The following SLC25A30 variants were observed in gnomAD, a reference collection of about 807,000 sequenced individuals.
SLC25A30 encodes the protein solute carrier family 25 member 30, also known as kidney mitochondrial carrier protein 1.
A neutral mutation model predicts 42.7 loss-of-function variants in SLC25A30; 29 were observed. The observed-to-expected ratio is 0.68, with a 90% confidence interval of 0.51 to 0.93. SLC25A30 has a LOEUF of 0.93. SLC25A30 is among the 40% of genes least tolerant of loss of function. The pLI is 0.00. For missense variants in SLC25A30, 300 were observed against 359.7 expected (o/e 0.83, Z 1.34); for synonymous variants, 124 against 131.0 (o/e 0.95, Z 0.37).
chr13:45,411,491 C>G lies in SLC25A30; in HGVS notation c.-55-11G>C. ...CCAGTGCTGTTTTTCCTGGACACAA[C>G]AATAAGATATTATCAAGCTGTAACT... On this transcript the variant is annotated splice_polypyrimidine_tract_variant and intron_variant, in intron 1 of 9. Coordinates refer to ENST00000519676, the MANE Select transcript of SLC25A30 (RefSeq NM_001010875.4). 6.7e-7 allele frequency: 1 copy of G among 1,492,468 alleles called. No homozygotes were observed. The highest frequency in any genetic ancestry group is 9.3e-7 in the Non-Finnish European group (1 of 1,073,462). The allele number at this position is 1,492,468 out of a possible 1,614,324, so 92.5% of individuals were successfully genotyped here. A position where few individuals can be genotyped will look rare whatever the true frequency, so the allele number is the denominator to read the frequency against.
the SLC25A30 span, among the ~76,000 whole-genome samples, chr13:45,433,227 T>C: frequency 6.6e-6 from 1 of 151,888 alleles, no homozygotes; most frequent in African/African-American, 2.4e-5. Context: ...CTCCAAGAGA[T>C]GAAATAAATG....
Position 45,395,066 on chromosome 13 carries a change from G to A in SLC25A30, c.*908C>T. 1.0e-6 allele frequency: 1 copy of A among 985,392 alleles called. No homozygotes were observed. Among genetic ancestry groups the A allele is most frequent in the Non-Finnish European group, 1.2e-6 (1 of 829,938 alleles). The allele number at this position is 985,392 out of a possible 1,614,324, so 61.0% of individuals were successfully genotyped here. The stretch of plus-strand genomic sequence containing the variant: ...GCCCCTCTTCTACATAGACTGTTTA[G>A]AGCTGTTCCACAGCATGATGTAAAC... On this transcript the variant is annotated 3_prime_UTR_variant, in exon 10 of 10. Coordinates refer to ENST00000519676, the MANE Select transcript of SLC25A30 (RefSeq NM_001010875.4).
intron 9 of SLC25A30, chr13:45,396,232 C>T (rs1320014822): frequency 7.1e-7 from 1 of 1,417,436 alleles, no homozygotes; most frequent in Non-Finnish European, 9.2e-7. Context: ...ATGTAAATCC[C>T]CTGGTATCAG....
At chr13:45,408,734 C>T (rs1337205692) in intron 3 of SLC25A30, among the ~76,000 whole-genome samples, 193 bp downstream of exon 3, 3 of 152,138 alleles carry the variant, frequency 2.0e-5, no homozygotes, top group Non-Finnish European at 4.4e-5. Flanking sequence ...AACAGTTTCA[C>T]CAAAACATCT....
intron 9 of SLC25A30, chr13:45,396,250 T>A (rs1881308880): frequency 7.2e-7 from 1 of 1,397,754 alleles, no homozygotes; most frequent in South Asian, 1.6e-5. Flanking sequence ...CAGCCTCTTC[T>A]GAGATGGCAT....
intron 8 of SLC25A30, chr13:45,398,505 C>T (rs140070390): frequency 6.7e-6 from 1 of 148,954 alleles, no homozygotes; most frequent in East Asian, 2.0e-4. Flanking sequence ...AAAAAAGTGA[C>T]TCCTAATCCT....
the SLC25A30 span, among the ~76,000 whole-genome samples, chr13:45,425,606 A>AAG: frequency 8.9e-5 from 5 of 55,960 alleles, 1 homozygote; most frequent in East Asian, 3.1e-4. Context: ...ACATATATAT[A>AAG]TACATATATA....
chr13:45,414,392 C>T (rs1300143014), intron 1 of SLC25A30, among the ~76,000 whole-genome samples: 1 of 151,950 alleles, frequency 6.6e-6, no homozygotes, highest in Non-Finnish European at 1.5e-5. Context: ...CCGAGGTGGG[C>T]GGATCACCTG....
upstream of SLC25A30, among the ~76,000 whole-genome samples, chr13:45,421,406 A>T (rs899613305): frequency 6.6e-6 from 1 of 150,888 alleles, no homozygotes; most frequent in East Asian, 1.9e-4. Flanking sequence ...AAAAAGAATT[A>T]AAAAAAAGTG....
the SLC25A30 span, among the ~76,000 whole-genome samples, chr13:45,433,082 A>G: frequency 6.6e-6 from 1 of 151,144 alleles, no homozygotes; most frequent in Non-Finnish European, 1.5e-5. Flanking sequence ...AATTGCCTGT[A>G]TTATTTTTTT....
In SLC25A30 at chr13:45,394,220, A is replaced by C. The variant is rs1881150288; in HGVS notation, c.*1754T>G. ...GACTTTCATCTGAGTCTCAGCAATTAACAGGTAACCCTACCCCACTGCACC... is the reference window on the plus strand; with the variant it reads ...GACTTTCATCTGAGTCTCAGCAATTCACAGGTAACCCTACCCCACTGCACC... On this transcript the variant is annotated 3_prime_UTR_variant, in exon 10 of 10. Coordinates refer to ENST00000519676, the MANE Select transcript of SLC25A30 (RefSeq NM_001010875.4). 1 of 985,190 alleles carries C rather than the reference A, an allele frequency of 1.0e-6. No individual in the cohort carries two copies. Among genetic ancestry groups the C allele is most frequent in the Non-Finnish European group, 1.2e-6 (1 of 829,910 alleles). 61.0% of individuals were successfully genotyped at this position (985,190 alleles called of 1,614,324 possible).
rs750085119 is a variant in SLC25A30, at chr13:45,409,008, A to C, written c.131T>G (p.Phe44Cys). 3 of 1,613,554 alleles carry C rather than the reference A, an allele frequency of 1.9e-6. No individual in the cohort carries two copies. In the Admixed American group the frequency reaches 5.0e-5, roughly 27 times the overall value. Residue 44 changes from phenylalanine (F) to cysteine (C), a missense_variant, in exon 3 of 10, where the codon TTT becomes TGT. Transcript: ENST00000519676. The stretch of plus-strand genomic sequence containing the variant: ...CATTCCTCGGTATCTAATTTCCTTA[A>C]ATTTTGCATCATTCGTCTGGCCTTG... ...QIQGQTNDAKFKEIRYRGMLH... is the reference protein window; with the variant it reads ...QIQGQTNDAKCKEIRYRGMLH...
chr13:45,403,068 A>G (rs1408363331), intron 5 of SLC25A30, among the ~76,000 whole-genome samples: 1 of 152,206 alleles, frequency 6.6e-6, no homozygotes, highest in African/African-American at 2.4e-5. Context: ...TGTTATTGCC[A>G]CACGAACGTG....
chr13:45,432,609 A>C, the SLC25A30 span, among the ~76,000 whole-genome samples: 3 of 152,090 alleles, frequency 2.0e-5, no homozygotes, highest in Non-Finnish European at 4.4e-5. Context: ...AGTACTTTCA[A>C]TTAATTTGTA....
At chr13:45,425,328 C>T in the SLC25A30 span, among the ~76,000 whole-genome samples, 1 of 101,226 alleles carries the variant, frequency 9.9e-6, no homozygotes, top group Non-Finnish European at 1.8e-5. Context: ...GTATATGTAA[C>T]TATATATAAG....
the SLC25A30 span, among the ~76,000 whole-genome samples, chr13:45,423,695 A>AAAATATATAAAT: frequency 4.9e-4 from 2 of 4,080 alleles, no homozygotes; most frequent in African/African-American, 1.6e-3. Flanking sequence ...AATATATATA[A>AAAATATATAAAT]ATATATAAAT....
At chr13:45,396,310 C>T in intron 9 of SLC25A30, 1 of 1,274,476 alleles carries the variant, frequency 7.8e-7, no homozygotes, top group Non-Finnish European at 1.0e-6. Flanking sequence ...AACTTTCCAG[C>T]ACTGTAAGCT....
intron 3 of SLC25A30, among the ~76,000 whole-genome samples, chr13:45,408,445 G>A (rs1002131119): frequency 3.3e-5 from 5 of 152,174 alleles, no homozygotes; most frequent in African/African-American, 9.7e-5. Context: ...GATGCTTAGC[G>A]TGACATGAGG....
At chr13:45,425,221 T>A in the SLC25A30 span, among the ~76,000 whole-genome samples, 1 of 103,160 alleles carries the variant, frequency 9.7e-6, no homozygotes, top group Non-Finnish European at 1.7e-5. Flanking sequence ...TATATACGTA[T>A]GTATATAAAT....
Sources: allele counts gnomAD v4.1 joint callset (sites outside exome capture counted in the v4.1 genomes callset), GRCh38; gene constraint gnomAD v4.1.1; transcripts MANE v1.5; gene names NCBI Gene and HGNC (gene_info 2026-07-23, HGNC 2026-07-21).